The following UBE2H variants were observed in gnomAD, a reference collection of about 807,000 sequenced individuals.
The protein encoded by UBE2H is ubiquitin conjugating enzyme E2 H.
UBE2H carries 3 observed loss-of-function variants against 29.0 expected under a neutral mutation model. The observed-to-expected ratio is 0.10, with a 90% confidence interval of 0.05 to 0.27. The LOEUF (loss-of-function observed/expected upper bound fraction) is 0.27. Among genes scored for constraint, UBE2H ranks in the 10% least tolerant of loss-of-function variants. The probability of loss-of-function intolerance (pLI) is 1.00; values close to 1 mark genes in which losing one functional copy is unlikely to be tolerated. For missense variants in UBE2H, 68 were observed against 228.2 expected, an observed-to-expected ratio of 0.30 and a Z score of 4.52; for synonymous variants, 69 against 82.9, an observed-to-expected ratio of 0.83 and a Z score of 0.91.
At chr7:129,911,606 CAA>C (rs2116448428) in intron 1 of UBE2H, among the ~76,000 whole-genome samples, 1 of 152,114 alleles carries the variant, frequency 6.6e-6, no homozygotes, top group Admixed American at 6.5e-5. Context: ...GTTTAGGAAA[CAA>C]CAACTCAACT....
chr7:129,909,612 T>C (rs1806888989), intron 1 of UBE2H, among the ~76,000 whole-genome samples: 1 of 152,016 alleles, frequency 6.6e-6, no homozygotes, highest in Non-Finnish European at 1.5e-5. Context: ...TCTTAGCACT[T>C]TGGGAGGCTG....
At chr7:129,879,751 A>T (rs1029871552) in intron 2 of UBE2H, 109 bp from the exon 3 acceptor site, 2 of 1,007,422 alleles carry the variant, frequency 2.0e-6, no homozygotes, top group East Asian at 2.4e-5. Flanking sequence ...TTCCAAATTA[A>T]TTCCTTCAAG....
At chr7:129,851,225 T>C (rs1316705255) in intron 5 of UBE2H, among the ~76,000 whole-genome samples, 2 of 152,236 alleles carry the variant, frequency 1.3e-5, no homozygotes, top group Non-Finnish European at 2.9e-5. Context: ...CTTGTTGCAT[T>C]GTCAATCTCA....
At chr7:129,878,576 G>A (rs1006659733) in intron 3 of UBE2H, among the ~76,000 whole-genome samples, 3 of 151,566 alleles carry the variant, frequency 2.0e-5, no homozygotes, top group African/African-American at 7.3e-5. Context: ...CCAGCTACTC[G>A]GGAGGCTGAG....
At chr7:129,939,784 C>T (rs1293409942) in intron 1 of UBE2H, among the ~76,000 whole-genome samples, 1 of 151,966 alleles carries the variant, frequency 6.6e-6, no homozygotes, top group East Asian at 1.9e-4. Context: ...ATGGTGAAAC[C>T]CCATCTCTAC....
intron 1 of UBE2H, among the ~76,000 whole-genome samples, chr7:129,938,943 C>T (rs961548673): frequency 3.4e-4 from 52 of 152,030 alleles, no homozygotes; most frequent in African/African-American, 1.1e-3. Context: ...TGATTACAGG[C>T]GCCTGCCACC....
chr7:129,866,916 A>G (rs1156256366), intron 3 of UBE2H, among the ~76,000 whole-genome samples: 7 of 152,226 alleles, frequency 4.6e-5, no homozygotes, highest in Non-Finnish European at 1.0e-4. Context: ...TATGTAAAGC[A>G]TTTGAACAGT....
intron 1 of UBE2H, among the ~76,000 whole-genome samples, chr7:129,882,829 C>T (rs919443500): frequency 9.9e-5 from 15 of 151,850 alleles, no homozygotes; most frequent in African/African-American, 2.7e-4. Context: ...CCTTGTGTCA[C>T]GTAAAAAAAG....
intron 1 of UBE2H, among the ~76,000 whole-genome samples, chr7:129,909,723 A>C (rs1806891614): frequency 6.6e-6 from 1 of 151,870 alleles, no homozygotes; most frequent in African/African-American, 2.4e-5. Flanking sequence ...ATGTGGCCCC[A>C]CCTCTTTAGT....
chr7:129,944,462 C>A (rs886257712), intron 1 of UBE2H, among the ~76,000 whole-genome samples: 3 of 151,628 alleles, frequency 2.0e-5, no homozygotes, highest in African/African-American at 7.3e-5. Context: ...ATTCAAACTA[C>A]GTGTTAAACA....
intron 1 of UBE2H, among the ~76,000 whole-genome samples, chr7:129,896,378 C>T (rs1386850394): frequency 2.6e-5 from 4 of 151,676 alleles, no homozygotes; most frequent in African/African-American, 9.7e-5. Context: ...TTCCATTTTT[C>T]ATTTTATTTT....
chr7:129,932,675 G>C (rs939697227), intron 1 of UBE2H, among the ~76,000 whole-genome samples: 22 of 150,534 alleles, frequency 1.5e-4, no homozygotes, highest in African/African-American at 1.9e-4. Flanking sequence ...TCGGGAGGCT[G>C]AGGCAGAAGA....
intron 1 of UBE2H, among the ~76,000 whole-genome samples, chr7:129,898,265 T>C (rs1185994916): frequency 6.6e-6 from 1 of 152,160 alleles, no homozygotes; most frequent in Non-Finnish European, 1.5e-5. Flanking sequence ...AAAGCCACCC[T>C]GCCATATTAG....
intron 3 of UBE2H, among the ~76,000 whole-genome samples, chr7:129,866,862 T>A (rs1805913386): frequency 6.6e-6 from 1 of 152,094 alleles, no homozygotes; most frequent in African/African-American, 2.4e-5. Context: ...GGTTAAATAA[T>A]GGTATCTACA....
chr7:129,905,267 G>C (rs62491527), intron 1 of UBE2H, among the ~76,000 whole-genome samples: 14,380 of 151,676 alleles, frequency 0.095, 886 homozygotes, highest in Admixed American at 0.15. Context: ...TTTGTTCATA[G>C]ACATGAGGTT....
chr7:129,911,223 C>T (rs1004910004), intron 1 of UBE2H, among the ~76,000 whole-genome samples: 3 of 151,958 alleles, frequency 2.0e-5, no homozygotes, highest in African/African-American at 7.2e-5. Context: ...AAAAAGTTAG[C>T]CAGGCATGGT....
intron 1 of UBE2H, among the ~76,000 whole-genome samples, chr7:129,928,320 T>C (rs911598942): frequency 1.3e-5 from 2 of 152,010 alleles, no homozygotes; most frequent in African/African-American, 4.8e-5. Context: ...ACACAACTTA[T>C]GGCCAGGCAC....
rs569307041 is a variant in UBE2H, at chr7:129,925,679, A to G, written c.53+26824T>C. 5.3e-5 allele frequency among the ~76,000 whole-genome samples: 8 copies of G among 152,260 alleles called. No homozygotes were observed. In the South Asian group the frequency reaches 1.7e-3, roughly 32 times the overall value. ...GCAATGTGTAGGGAGGGACACTCAG[A>G]AAAGTTCCTTTGGTCATTGGAGGAG... On this transcript the variant is annotated intron_variant, in intron 1 of 6. Coordinates refer to ENST00000355621, the MANE Select transcript of UBE2H (RefSeq NM_003344.4).
intron 3 of UBE2H, among the ~76,000 whole-genome samples, chr7:129,870,567 G>A (rs1387450150): frequency 6.6e-6 from 1 of 152,138 alleles, no homozygotes; most frequent in Admixed American, 6.5e-5. Context: ...TTTCCTTAAT[G>A]GAGCCACATG....
Sources: gnomAD v4.1 joint callset for allele counts (sites outside exome capture counted in the v4.1 genomes callset) on GRCh38, gnomAD v4.1.1 for gene constraint, MANE v1.5 for transcripts, NCBI Gene and HGNC (gene_info 2026-07-23, HGNC 2026-07-21) for gene names.